OPN5: variants seen among roughly 807,000 people sequenced by gnomAD.
The protein encoded by OPN5 is opsin-5.
In OPN5, 18 loss-of-function variants were observed where a neutral mutation model predicts 41.7. That is an observed-to-expected ratio of 0.43 (90% CI 0.30 to 0.64). The LOEUF (loss-of-function observed/expected upper bound fraction) is 0.64. Among genes scored for constraint, OPN5 ranks in the 30% least tolerant of loss-of-function variants. OPN5 has a pLI of 0.13. For missense variants in OPN5, 318 were observed against 434.5 expected, an observed-to-expected ratio of 0.73 and a Z score of 2.38; for synonymous variants, 178 against 164.3, an observed-to-expected ratio of 1.08 and a Z score of -0.64.
intron 6 of OPN5, among the ~76,000 whole-genome samples, chr6:47,813,742 G>A (rs1762339504): frequency 6.6e-6 from 1 of 152,032 alleles, no homozygotes; most frequent in Non-Finnish European, 1.5e-5. Context: ...TTAAAAAATG[G>A]CATTAAAAAT....
chr6:47,795,004 T>G (rs965321592), intron 3 of OPN5: 6 of 468,788 alleles, frequency 1.3e-5, no homozygotes, highest in African/African-American at 1.1e-4. Flanking sequence ...CTCCCAAAGC[T>G]CCCAGATGCC....
intron 3 of OPN5, among the ~76,000 whole-genome samples, chr6:47,794,304 G>A (rs1773475796): frequency 6.6e-6 from 1 of 152,142 alleles, no homozygotes; most frequent in Non-Finnish European, 1.5e-5. Context: ...TTTCTTCTCT[G>A]CTAACACAAA....
chr6:47,811,443 G>A (rs1171511360), intron 5 of OPN5, among the ~76,000 whole-genome samples: 3 of 152,108 alleles, frequency 2.0e-5, no homozygotes, highest in Admixed American at 6.6e-5. Flanking sequence ...GATGGCATAC[G>A]AAATGTGCTG....
intron 4 of OPN5, among the ~76,000 whole-genome samples, chr6:47,796,597 C>T (rs918420798): frequency 6.6e-6 from 1 of 152,026 alleles, no homozygotes; most frequent in Non-Finnish European, 1.5e-5. Flanking sequence ...ATAATTATTT[C>T]TTCCTGTATC....
rs143160998 is a variant in OPN5 at position 47,813,502 on chromosome 6, T to A, written c.1056+1771T>A. On this transcript the variant is annotated intron_variant, in intron 6 of 6. Coordinates refer to ENST00000371211, the Ensembl canonical transcript of OPN5. ...TCAGAAGTGGAGCTGAGAGTGGTAG[T>A]CTGGCAGGAGCCAAATCAGACTCCA... Among the ~76,000 whole-genome samples, 63 of 152,280 alleles carry A rather than the reference T, an allele frequency of 4.1e-4. 1 individual carries two copies. The highest frequency in any genetic ancestry group is 1.4e-3 in the African/African-American group (59 of 41,554).
chr6:47,797,641 G>A (rs1308436817), intron 4 of OPN5, among the ~76,000 whole-genome samples: 1 of 152,182 alleles, frequency 6.6e-6, no homozygotes, highest in Non-Finnish European at 1.5e-5. Context: ...GGTATGTGAC[G>A]TCGAAGTTTA....
intron 2 of OPN5, 70 bp downstream of exon 2, chr6:47,786,704 AAACGTCACCC>A: frequency 7.4e-7 from 1 of 1,342,470 alleles, no homozygotes; most frequent in Non-Finnish European, 1.1e-6. Context: ...TCACTGTCTC[AAACGTCACCC>A]CCTGACATCT....
Position 47,812,833 on chromosome 6 carries a change from G to A in OPN5, c.1056+1102G>A, listed in dbSNP as rs781176155. ...TCTGGTAACTGCCAGCAAGAACAGCGAATAGGGGAAGAGGGTGGCCCCTCT... is the reference window on the plus strand; with the variant it reads ...TCTGGTAACTGCCAGCAAGAACAGCAAATAGGGGAAGAGGGTGGCCCCTCT... On this transcript the variant is annotated intron_variant, in intron 6 of 6. Coordinates refer to ENST00000371211, the Ensembl canonical transcript of OPN5. Among the ~76,000 whole-genome samples, 198 of 152,084 alleles carry A rather than the reference G, an allele frequency of 1.3e-3. 1 individual carries two copies. Among genetic ancestry groups the A allele is most frequent in the Admixed American group, 2.5e-3 (38 of 15,260 alleles).
chr6:47,806,485 T>C (rs1773969568), intron 4 of OPN5, among the ~76,000 whole-genome samples: 1 of 152,208 alleles, frequency 6.6e-6, no homozygotes, highest in Non-Finnish European at 1.5e-5. Flanking sequence ...TTTATTGCTT[T>C]ATCCTTCACA....
At chr6:47,784,252 T>C (rs545988941) in intron 1 of OPN5, among the ~76,000 whole-genome samples, 1 of 151,684 alleles carries the variant, frequency 6.6e-6, no homozygotes, top group Non-Finnish European at 1.5e-5. Flanking sequence ...CTTGGCCGTG[T>C]GTCTGGTTTT....
chr6:47,810,532 AATCAATATCCTTATTCTTTTCTTTTCT>A (rs1242674422), intron 5 of OPN5, among the ~76,000 whole-genome samples: 1 of 151,918 alleles, frequency 6.6e-6, no homozygotes, highest in Non-Finnish European at 1.5e-5. Flanking sequence ...AAACTGGATT[AATCAATATCCTTATTCTTTTCTTTTCT>A]GAGCCCTGAA....
chr6:47,819,569 C>T (rs1259322754), intron 6 of OPN5, among the ~76,000 whole-genome samples: 1 of 151,304 alleles, frequency 6.6e-6, no homozygotes, highest in African/African-American at 2.4e-5. Flanking sequence ...TTCAAATGAA[C>T]AAAACCATTC....
chr6:47,797,378 T>C (rs1773609482), intron 4 of OPN5, among the ~76,000 whole-genome samples: 1 of 152,140 alleles, frequency 6.6e-6, no homozygotes, highest in South Asian at 2.1e-4. Flanking sequence ...AGTAGGAAAA[T>C]ATTTTCATAA....
chr6:47,804,472 C>A (rs1349358309), intron 4 of OPN5, among the ~76,000 whole-genome samples: 1 of 152,046 alleles, frequency 6.6e-6, no homozygotes, highest in Non-Finnish European at 1.5e-5. Context: ...TAAATATATT[C>A]CAAGCTGAGT....
exon 4 of OPN5, chr6:47,795,511 A>T (rs1773523150): frequency 5.0e-6 from 8 of 1,614,162 alleles, no homozygotes; most frequent in Non-Finnish European, 5.9e-6. Context: ...GAAGTAGCTC[A>T]TTTCGACAGT....
At position 47,782,121 on chromosome 6, in the gene OPN5, C is replaced by T; in HGVS notation, c.55C>T (p.Arg19Ter). The T allele has an allele frequency of 1.9e-6, 3 of 1,612,296 alleles. No homozygotes were observed. The highest frequency in any genetic ancestry group is 1.7e-6 in the Non-Finnish European group (2 of 1,178,434). Reference sequence around the variant, plus strand: ...GGACGAGCGCCTGCCCCATTACCTTCGAGATGGGGATCCTTTTGCTTCCAA... The same window carrying T: ...GGACGAGCGCCTGCCCCATTACCTTTGAGATGGGGATCCTTTTGCTTCCAA... Residue 19 changes from arginine (R) to a stop codon, truncating the protein, a stop_gained, in exon 1 of 7, where the codon CGA (arginine) becomes TGA (stop). Transcript: ENST00000371211. LOFTEE classifies it high-confidence loss of function.
rs568004330 is a variant in OPN5 at position 47,811,126 on chromosome 6, G to A, written c.999-548G>A. Among the ~76,000 whole-genome samples, 11 of 152,304 alleles carry A rather than the reference G, an allele frequency of 7.2e-5. No individual in the cohort carries two copies. The South Asian group carries it at 2.3e-3, about 32-fold the overall frequency. On this transcript the variant is annotated intron_variant, in intron 5 of 6. Transcript: ENST00000371211. ...CTATGGGCAGTGACAGGGAAAAGAG[G>A]CTGCAGATGCTAGGCCTATCTCAAA...
intron 6 of OPN5, chr6:47,823,444 G>A (rs1762697543): frequency 6.5e-6 from 1 of 153,306 alleles, no homozygotes; most frequent in South Asian, 2.1e-4. Context: ...CCCATGGCAA[G>A]CCTTATCTAT....
At chr6:47,790,570 CT>C (rs753070205) in intron 2 of OPN5, among the ~76,000 whole-genome samples, 2 of 152,140 alleles carry the variant, frequency 1.3e-5, no homozygotes, top group East Asian at 3.8e-4. Flanking sequence ...TTCTTAAGGA[CT>C]TTTTATTCAT....
Sources: allele counts gnomAD v4.1 joint callset (sites outside exome capture counted in the v4.1 genomes callset), GRCh38; gene constraint gnomAD v4.1.1; transcripts MANE v1.5; gene names NCBI Gene and HGNC (gene_info 2026-07-23, HGNC 2026-07-21).